The following TRAPPC9 variants were observed in gnomAD, a reference collection of about 807,000 sequenced individuals.
TRAPPC9 encodes IKK2 binding protein.
A neutral mutation model predicts 124.0 loss-of-function variants in TRAPPC9; 83 were observed. The ratio of observed to expected loss-of-function variants is 0.67; its 90% CI spans 0.56 to 0.80. The LOEUF (loss-of-function observed/expected upper bound fraction) is 0.80. Among genes scored for constraint, TRAPPC9 ranks in the 30% least tolerant of loss-of-function variants. TRAPPC9 has a pLI of 0.00. For synonymous variants in TRAPPC9, 638 were observed against 617.5 expected, an observed-to-expected ratio of 1.03 and a Z score of -0.49; for missense variants, 1,302 against 1,508.3, an observed-to-expected ratio of 0.86 and a Z score of 2.27.
chr8:140,083,978 TG>T (rs1844022557), intron 17 of TRAPPC9, among the ~76,000 whole-genome samples: 1 of 152,194 alleles, frequency 6.6e-6, no homozygotes, highest in Non-Finnish European at 1.5e-5. Flanking sequence ...CTTGGGTTTT[TG>T]TTTGTTTGTT....
At chr8:139,855,368 C>T (rs1354534985) in intron 21 of TRAPPC9, among the ~76,000 whole-genome samples, 2 of 152,202 alleles carry the variant, frequency 1.3e-5, no homozygotes, top group Non-Finnish European at 2.9e-5. Flanking sequence ...GCGCTCAGCT[C>T]CAGGCCCTAG....
At chr8:140,319,245 G>A (rs1431297769) in intron 9 of TRAPPC9, among the ~76,000 whole-genome samples, 2 of 131,582 alleles carry the variant, frequency 1.5e-5, no homozygotes, top group Non-Finnish European at 3.1e-5. Flanking sequence ...GCGCGATCTC[G>A]GCTCACTGCA....
chr8:139,909,369 C>T (rs535851609), intron 20 of TRAPPC9, among the ~76,000 whole-genome samples: 2 of 152,324 alleles, frequency 1.3e-5, no homozygotes, highest in Non-Finnish European at 1.5e-5. Context: ...TGAATGCCCC[C>T]ACCCAGTGGC....
intron 9 of TRAPPC9, among the ~76,000 whole-genome samples, chr8:140,340,023 T>C (rs1184704246): frequency 3.3e-5 from 5 of 152,138 alleles, no homozygotes; most frequent in Non-Finnish European, 5.9e-5. Flanking sequence ...TTTTTTGTAT[T>C]TCATAGAGAT....
intron 5 of TRAPPC9, among the ~76,000 whole-genome samples, chr8:140,419,660 G>GGT (rs2070125793): frequency 6.6e-6 from 1 of 151,128 alleles, no homozygotes; most frequent in Admixed American, 6.6e-5. Flanking sequence ...CCGAGGCAAG[G>GGT]AGATCACGAG....
At chr8:140,017,767 C>T (rs549927831) in intron 18 of TRAPPC9, among the ~76,000 whole-genome samples, 7 of 152,100 alleles carry the variant, frequency 4.6e-5, no homozygotes, top group Non-Finnish European at 5.9e-5. Context: ...GGATTTTGAC[C>T]GAATTGCATT....
chr8:140,266,923 C>G (rs1288134809), intron 15 of TRAPPC9, among the ~76,000 whole-genome samples: 1 of 152,142 alleles, frequency 6.6e-6, no homozygotes, highest in East Asian at 1.9e-4. Flanking sequence ...GGGACACACT[C>G]ACCCCATAAA....
intron 20 of TRAPPC9, among the ~76,000 whole-genome samples, chr8:139,901,595 A>C (rs986309879): frequency 3.3e-5 from 5 of 152,206 alleles, no homozygotes; most frequent in South Asian, 2.1e-4. Flanking sequence ...CCCACAGTGG[A>C]GAGCAGGTGA....
chr8:140,404,909 C>CGTGTGTGTGTGTGTGTGTGTGTGTGT (rs71320356), intron 6 of TRAPPC9, among the ~76,000 whole-genome samples: 4 of 119,962 alleles, frequency 3.3e-5, no homozygotes, highest in Admixed American at 8.1e-5. Context: ...TGTGAGCATG[C>CGTGTGTGTGTGTGTGTGTGTGTGTGT]GTGTGTGTGT....
At chr8:139,732,268 C>T (rs1234722758) in intron 21 of TRAPPC9, 66 bp from the exon 22 acceptor site, 2 of 1,402,046 alleles carry the variant, frequency 1.4e-6, no homozygotes, top group African/African-American at 2.9e-5. Flanking sequence ...CTACCCCACC[C>T]ACTCGCTGAT....
intron 19 of TRAPPC9, among the ~76,000 whole-genome samples, chr8:139,936,363 A>ACATGCTAT (rs1833515107): frequency 6.6e-6 from 1 of 152,252 alleles, no homozygotes. Context: ...GCACAAGGCC[A>ACATGCTAT]CATGCTATGA....
At chr8:140,068,001 G>A (rs1361888992) in intron 17 of TRAPPC9, among the ~76,000 whole-genome samples, 4 of 105,734 alleles carry the variant, frequency 3.8e-5, no homozygotes, top group East Asian at 2.6e-4. Context: ...TAAAACAAGC[G>A]GATTTATGTG....
intron 18 of TRAPPC9, 151 bp downstream of exon 18, chr8:140,023,786 G>C: frequency 2.5e-6 from 3 of 1,208,472 alleles, no homozygotes; most frequent in Non-Finnish European, 3.6e-6. Flanking sequence ...GTTTCCTAAA[G>C]AAAAACCTAC....
chr8:139,761,805 G>A (rs150867222), intron 21 of TRAPPC9, among the ~76,000 whole-genome samples: 45 of 151,108 alleles, frequency 3.0e-4, no homozygotes, highest in African/African-American at 9.7e-4. Context: ...TAGGCCTGAC[G>A]CCACACCCTG....
chr8:140,112,487 G>A (rs1468805916), intron 17 of TRAPPC9, among the ~76,000 whole-genome samples: 1 of 152,200 alleles, frequency 6.6e-6, no homozygotes, highest in Non-Finnish European at 1.5e-5. Context: ...TGTGAGAAGA[G>A]TAATGGAGAA....
chr8:140,247,994 A>C (rs2064028356), intron 16 of TRAPPC9, among the ~76,000 whole-genome samples: 1 of 152,000 alleles, frequency 6.6e-6, no homozygotes, highest in South Asian at 2.1e-4. Context: ...TCAGCTTCTG[A>C]GCACGTTCTT....
chr8:140,002,419 C>T (rs1458473366), intron 18 of TRAPPC9, among the ~76,000 whole-genome samples: 3 of 151,930 alleles, frequency 2.0e-5, no homozygotes, highest in African/African-American at 7.3e-5. Flanking sequence ...TAACAAAATT[C>T]CAATCAAAAT....
At chr8:140,235,091 C>T (rs1267869926) in intron 16 of TRAPPC9, among the ~76,000 whole-genome samples, 1 of 152,202 alleles carries the variant, frequency 6.6e-6, no homozygotes, top group African/African-American at 2.4e-5. Context: ...CTGCCTCAGC[C>T]TCCCGAGTAG....
intron 3 of TRAPPC9, among the ~76,000 whole-genome samples, chr8:140,437,104 C>T (rs1360827636): frequency 6.6e-6 from 1 of 152,102 alleles, no homozygotes; most frequent in Non-Finnish European, 1.5e-5. Flanking sequence ...GCTGGGACTA[C>T]AGGCACAGAC....
Sources: allele counts gnomAD v4.1 joint callset (sites outside exome capture counted in the v4.1 genomes callset), GRCh38; gene constraint gnomAD v4.1.1; transcripts MANE v1.5; gene names NCBI Gene and HGNC (gene_info 2026-07-23, HGNC 2026-07-21).